The following RPGRIP1 variants were observed in gnomAD, a reference collection of about 807,000 sequenced individuals.
RPGRIP1 encodes the protein RPGR interacting protein 1.
RPGRIP1 carries 128 observed loss-of-function variants against 157.9 expected under a neutral mutation model. The ratio of observed to expected loss-of-function variants is 0.81; its 90% CI spans 0.70 to 0.94. The LOEUF (loss-of-function observed/expected upper bound fraction) is 0.94. Among genes scored for constraint, RPGRIP1 ranks in the 40% least tolerant of loss-of-function variants. RPGRIP1 has a pLI of 0.00. For missense variants in RPGRIP1, 1,486 were observed against 1,545.8 expected (o/e 0.96, Z 0.65); for synonymous variants, 554 against 571.6 (o/e 0.97, Z 0.44).
chr14:21,282,110 G>T (rs149122528), intron 1 of RPGRIP1, among the ~76,000 whole-genome samples: 1 of 152,164 alleles, frequency 6.6e-6, no homozygotes, highest in East Asian at 1.9e-4. Flanking sequence ...AAGAGGAAAA[G>T]AAAATTTTAA....
In RPGRIP1 at chr14:21,327,712, A is replaced by G; in HGVS notation, c.2800A>G (p.Ser934Gly). The change falls in exon 18 of 25, where the codon AGC becomes GGC. Residue 934 changes from serine to glycine, a missense_variant. By Grantham distance (56) the Ser-to-Gly change is moderately conservative (BLOSUM62 0). Coordinates refer to ENST00000400017, the MANE Select transcript of RPGRIP1 (RefSeq NM_020366.4). Reference protein sequence around the residue: ...DWKFPYIPPESFLKPEAQTKG... With the variant: ...DWKFPYIPPEGFLKPEAQTKG... The stretch of plus-strand genomic sequence containing the variant: ...GAAGTTTCCCTACATACCCCCTGAG[A>G]GCTTCCTGAAACCAGAAGCTCAGAC... The G allele has an allele frequency of 6.2e-7, 1 of 1,613,904 alleles. No homozygotes were observed. Among genetic ancestry groups the G allele is most frequent in the Non-Finnish European group, 8.5e-7 (1 of 1,179,810 alleles).
Position 21,319,435 on chromosome 14 carries a change from G to A in RPGRIP1, c.1307-582G>A, listed in dbSNP as rs1037403690. Among the ~76,000 whole-genome samples, 4 of 152,078 alleles carry A rather than the reference G, an allele frequency of 2.6e-5. 1 individual carries two copies. Among genetic ancestry groups the A allele is most frequent in the South Asian group, 4.1e-4 (2 of 4,824 alleles). On this transcript the variant is annotated intron_variant, in intron 11 of 24. Coordinates refer to ENST00000400017, the MANE Select transcript of RPGRIP1 (RefSeq NM_020366.4). The stretch of plus-strand genomic sequence containing the variant: ...AAATTAGCCAGTCGTAGTGTCGTGC[G>A]CCTGTAATACCAGCTACTCAGGAGG...
chr14:21,308,570 A>G (rs747656308), intron 7 of RPGRIP1, among the ~76,000 whole-genome samples: 28 of 152,334 alleles, frequency 1.8e-4, no homozygotes, highest in Non-Finnish European at 3.8e-4. Context: ...AGGTGCTGAT[A>G]TGGCTGATAA....
intron 11 of RPGRIP1, among the ~76,000 whole-genome samples, 154 bp from the exon 12 acceptor site, chr14:21,319,863 A>G (rs1369150117): frequency 6.6e-6 from 1 of 152,156 alleles, no homozygotes; most frequent in East Asian, 1.9e-4. Context: ...TCAATAAGCT[A>G]GAGTCCTCCT....
intron 2 of RPGRIP1, among the ~76,000 whole-genome samples, chr14:21,292,090 C>T (rs778160575): frequency 9.9e-5 from 15 of 151,972 alleles, no homozygotes; most frequent in Non-Finnish European, 1.5e-5. Context: ...AGGGATTTCA[C>T]TGTGTTGCCC....
intron 14 of RPGRIP1, among the ~76,000 whole-genome samples, chr14:21,323,553 T>A (rs1263043437): frequency 1.3e-5 from 2 of 152,172 alleles, no homozygotes; most frequent in Non-Finnish European, 2.9e-5. Context: ...AGCTAATAGT[T>A]CTTTGATCAC....
chr14:21,320,595 CTTTTTT>C (rs34911429), intron 12 of RPGRIP1, among the ~76,000 whole-genome samples: 2 of 95,170 alleles, frequency 2.1e-5, no homozygotes, highest in South Asian at 4.0e-4. Flanking sequence ...CCGGCCCACT[CTTTTTT>C]TTTTTTTTTT....
chr14:21,327,768 G>C lies in RPGRIP1; in HGVS notation c.2856G>C (p.Lys952Asn). The C allele has an allele frequency of 6.2e-7, 1 of 1,611,138 alleles. No homozygotes were observed. The highest frequency in any genetic ancestry group is 8.5e-7 in the Non-Finnish European group (1 of 1,178,612). Residue 952 changes from lysine to asparagine, a missense_variant, in exon 18 of 25, where the codon AAG becomes AAC. By Grantham distance (94) the Lys-to-Asn change is moderately conservative. Coordinates refer to ENST00000400017, the MANE Select transcript of RPGRIP1 (RefSeq NM_020366.4). ...TKGKDTKDSS[K>N]ISSEEEKASF... is the part of the protein sequence containing the mutation. ...GGAAGGATACCAAGGACAGTTCAAA[G>C]ATCTCATCTGAAGAGGAAAAGGCTT... is the stretch of plus-strand genomic sequence containing the variant.
chr14:21,350,994 T>A (rs1288035535), intron 24 of RPGRIP1, 110 bp from the exon 25 acceptor site: 3 of 619,250 alleles, frequency 4.8e-6, no homozygotes, highest in Non-Finnish European at 8.6e-6. Context: ...TTGAGTCCTC[T>A]TATGAAATGG....
chr14:21,325,363 C>T lies in RPGRIP1; in HGVS notation c.2347C>T (p.Arg783Trp), dbSNP rs765878033. 25 of 1,587,154 alleles carry T rather than the reference C, an allele frequency of 1.6e-5. 1 individual carries two copies. Among genetic ancestry groups the T allele is most frequent in the Middle Eastern group, 1.7e-4 (1 of 6,036 alleles). ...VYLSTDVLGG[R>W]KAQEEEFRSE... ...CCTGTCAACCGATGTGCTTGGAGGC[C>T]GGAAGGCCCAGGAAGAGGAGGTGAG... The change falls in exon 16 of 25, where the codon CGG (arginine) becomes TGG (tryptophan). Residue 783 changes from arginine to tryptophan, a missense_variant. Coordinates refer to ENST00000400017, the MANE Select transcript of RPGRIP1 (RefSeq NM_020366.4).
chr14:21,280,132 C>A lies in RPGRIP1; in HGVS notation c.-66C>A, dbSNP rs565611635. 6.6e-6 allele frequency among the ~76,000 whole-genome samples: 1 copy of A among 151,994 alleles called. No homozygotes were observed. The highest frequency in any genetic ancestry group is 1.5e-5 in the Non-Finnish European group (1 of 68,016). Reference sequence around the variant, plus strand: ...CAGAACATTGAGAGAAAAGAATTAGCGACAGCTATCTGGAGCAAGCAAGAA... The same window carrying A: ...CAGAACATTGAGAGAAAAGAATTAGAGACAGCTATCTGGAGCAAGCAAGAA... On this transcript the variant is annotated 5_prime_UTR_variant, in exon 1 of 25. Transcript: ENST00000400017.
At chr14:21,349,399 CT>C (rs71112577) in intron 24 of RPGRIP1, among the ~76,000 whole-genome samples, 60,230 of 81,886 alleles carry the variant, frequency 0.74, 21,236 homozygotes, top group Middle Eastern at 0.8. Flanking sequence ...TAATTTCTTT[CT>C]TTTTTTTTTT....
chr14:21,316,752 TAAATAAG>T (rs1215340452), intron 10 of RPGRIP1, among the ~76,000 whole-genome samples: 1 of 152,192 alleles, frequency 6.6e-6, no homozygotes, highest in African/African-American at 2.4e-5. Context: ...ACTAAAATGA[TAAATAAG>T]AAATAAGACA....
chr14:21,298,678 A>C (rs1880895947), intron 3 of RPGRIP1, among the ~76,000 whole-genome samples: 1 of 152,020 alleles, frequency 6.6e-6, no homozygotes, highest in South Asian at 2.1e-4. Flanking sequence ...GTGGTGGCTC[A>C]TGCCTGTAAT....
At chr14:21,342,049 CAAAA>C (rs769694278) in intron 21 of RPGRIP1, among the ~76,000 whole-genome samples, 2 of 113,124 alleles carry the variant, frequency 1.8e-5, no homozygotes, top group African/African-American at 6.3e-5. Flanking sequence ...GACACTGTCT[CAAAA>C]AAAAAAAAAA....
intron 21 of RPGRIP1, among the ~76,000 whole-genome samples, chr14:21,336,998 G>C (rs80222730): frequency 1.3e-5 from 2 of 152,126 alleles, no homozygotes; most frequent in Non-Finnish European, 2.9e-5. Flanking sequence ...CAAGTTAAAC[G>C]TACAACACAG....
intron 20 of RPGRIP1, among the ~76,000 whole-genome samples, chr14:21,333,210 T>C (rs1362832354): frequency 6.6e-6 from 1 of 152,218 alleles, no homozygotes; most frequent in African/African-American, 2.4e-5. Flanking sequence ...GATGCTGTAG[T>C]TGTTGAAAAA....
chr14:21,347,418 C>A (rs181692312), intron 23 of RPGRIP1, among the ~76,000 whole-genome samples: 1 of 152,224 alleles, frequency 6.6e-6, no homozygotes, highest in South Asian at 2.1e-4. Flanking sequence ...ATTATCACTT[C>A]GCATTGTTGA....
Position 21,337,778 on chromosome 14 carries a change from T to TA in RPGRIP1, c.3339+3074dup, listed in dbSNP as rs1442893771. On this transcript the variant is annotated intron_variant, in intron 21 of 24. Coordinates refer to ENST00000400017, the MANE Select transcript of RPGRIP1 (RefSeq NM_020366.4). ...ATTTTTTTTTTTTTTTTTTTTTTTT[T>TA]AGAGTCTCGCTCTGTCACCCAGGCT... is the stretch of plus-strand genomic sequence containing the variant. 5.2e-5 allele frequency among the ~76,000 whole-genome samples: 7 copies of TA among 134,202 alleles called. 1 individual carries two copies. In the East Asian group the frequency reaches 1.2e-3, roughly 24 times the overall value. The allele number at this position is 134,202 out of a possible 152,430, so 88.0% of individuals were successfully genotyped here.
Sources: allele counts gnomAD v4.1 joint callset (sites outside exome capture counted in the v4.1 genomes callset), GRCh38; gene constraint gnomAD v4.1.1; transcripts MANE v1.5; gene names NCBI Gene and HGNC (gene_info 2026-07-23, HGNC 2026-07-21).